Variants in PTK2 observed in about 807,000 individuals in gnomAD.
PTK2 encodes the protein protein tyrosine kinase 2.
A neutral mutation model predicts 150.1 loss-of-function variants in PTK2; 45 were observed. The observed-to-expected ratio is 0.30, with a 90% CI of 0.24 to 0.38. The LOEUF is 0.38. PTK2 is among the 10% of genes least tolerant of loss of function. PTK2 has a pLI of 1.00. For synonymous variants in PTK2, 432 were observed against 449.2 expected, an observed-to-expected ratio of 0.96 and a Z score of 0.48; for missense variants, 919 against 1,307.3, an observed-to-expected ratio of 0.70 and a Z score of 4.58.
intron 14 of PTK2, among the ~76,000 whole-genome samples, chr8:140,788,209 A>G (rs575050358): frequency 1.7e-3 from 261 of 152,338 alleles, no homozygotes; most frequent in Non-Finnish European, 3.0e-3. Context: ...GACCAGCTCT[A>G]GCATTCCAAC....
chr8:140,962,058 C>T (rs901008363), intron 1 of PTK2, among the ~76,000 whole-genome samples: 1 of 151,894 alleles, frequency 6.6e-6, no homozygotes, highest in African/African-American at 2.4e-5. Flanking sequence ...GCCTGGCCAA[C>T]ATGGCAAAAC....
chr8:140,755,363 G>A (rs924518669), intron 16 of PTK2, among the ~76,000 whole-genome samples: 3 of 152,106 alleles, frequency 2.0e-5, no homozygotes, highest in Non-Finnish European at 4.4e-5. Flanking sequence ...CATGTCCCCT[G>A]GTGGCTCTCC....
At chr8:140,755,045 G>C (rs1426950566) in intron 16 of PTK2, among the ~76,000 whole-genome samples, 2 of 152,166 alleles carry the variant, frequency 1.3e-5, no homozygotes, top group South Asian at 2.1e-4. Flanking sequence ...GCCTAGACAA[G>C]GGATGCAAGA....
intron 20 of PTK2, 91 bp from the exon 24 acceptor site, chr8:140,739,198 A>G (rs944846501): frequency 2.0e-5 from 16 of 810,460 alleles, no homozygotes; most frequent in Admixed American, 6.6e-5. Context: ...CAAAGGAAAA[A>G]GCTTTAACTA....
chr8:140,766,527 G>A (rs562915118), intron 14 of PTK2, among the ~76,000 whole-genome samples: 1 of 152,214 alleles, frequency 6.6e-6, no homozygotes, highest in Non-Finnish European at 1.5e-5. Context: ...TGAACTGTAT[G>A]CCCACCTCTC....
chr8:140,681,911 C>T lies in PTK2; in HGVS notation c.2562+4721G>A, dbSNP rs113147968. On this transcript the variant is annotated intron_variant, in intron 27 of 31. Transcript: ENST00000522684. Reference sequence around the variant, plus strand: ...TTGGTGTGGAAAAATCAGACACTGGCGATGACCTTAAGCAGTAGGATATAA... The same window carrying T: ...TTGGTGTGGAAAAATCAGACACTGGTGATGACCTTAAGCAGTAGGATATAA... Among the ~76,000 whole-genome samples, 364 of 152,252 alleles carry T rather than the reference C, an allele frequency of 2.4e-3. 8 individuals are homozygous for T. The highest frequency in any genetic ancestry group is 8.2e-3 in the African/African-American group (340 of 41,538).
chr8:140,856,535 A>G (rs988611047), intron 5 of PTK2, among the ~76,000 whole-genome samples: 1 of 152,216 alleles, frequency 6.6e-6, no homozygotes, highest in Non-Finnish European at 1.5e-5. Context: ...AATACGCACT[A>G]CATAATCTGT....
chr8:140,886,250 G>A (rs1335956179), intron 3 of PTK2, among the ~76,000 whole-genome samples: 1 of 152,184 alleles, frequency 6.6e-6, no homozygotes, highest in Non-Finnish European at 1.5e-5. Flanking sequence ...AGCAAGAAGT[G>A]TAAAGACAGA....
rs115438107 is a variant in PTK2, at chr8:140,761,961, T to C, written c.1235-699A>G. Among the ~76,000 whole-genome samples, 868 of 152,218 alleles carry C rather than the reference T, an allele frequency of 5.7e-3. 7 individuals carry two copies. The highest frequency in any genetic ancestry group is 0.02 in the African/African-American group (832 of 41,560). On this transcript the variant is annotated intron_variant, in intron 15 of 31. Transcript: ENST00000522684. Reference sequence around the variant, plus strand: ...ACAAAATCGATTATTCAGTAGGTTTTTGAGGCACATGGAAAGAAAATGCCC... The same window carrying C: ...ACAAAATCGATTATTCAGTAGGTTTCTGAGGCACATGGAAAGAAAATGCCC...
intron 8 of PTK2, among the ~76,000 whole-genome samples, chr8:140,828,445 A>G (rs1380120675): frequency 6.6e-6 from 1 of 152,102 alleles, no homozygotes; most frequent in Non-Finnish European, 1.5e-5. Context: ...TCCTTTAAAA[A>G]TCTAGAATGT....
intron 3 of PTK2, among the ~76,000 whole-genome samples, chr8:140,881,671 A>C (rs1344108000): frequency 6.6e-6 from 1 of 152,144 alleles, no homozygotes; most frequent in Admixed American, 6.5e-5. Flanking sequence ...AACACAAATC[A>C]TTTCTCATAA....
chr8:140,800,478 A>G, exon 12 of PTK2: 1 of 1,613,218 alleles, frequency 6.2e-7, no homozygotes, highest in South Asian at 1.1e-5. Flanking sequence ...GTCTGATGAT[A>G]AATGACTGCG....
At chr8:140,738,900 G>C (rs2100054082) in intron 21 of PTK2, 118 bp downstream of exon 24, 1 of 524,018 alleles carries the variant, frequency 1.9e-6, no homozygotes, top group South Asian at 5.0e-5. Context: ...GTCTGATGAG[G>C]AGATGATCAG....
chr8:140,711,410 G>A (rs1261104325), intron 23 of PTK2, among the ~76,000 whole-genome samples: 6 of 152,102 alleles, frequency 3.9e-5, no homozygotes, highest in Non-Finnish European at 7.4e-5. Context: ...CCCGGCCCCC[G>A]CAGGACTTTC....
chr8:140,929,254 C>G (rs555261028), intron 1 of PTK2, among the ~76,000 whole-genome samples: 1 of 152,010 alleles, frequency 6.6e-6, no homozygotes, highest in Non-Finnish European at 1.5e-5. Flanking sequence ...CGTGAGCCAC[C>G]GCGCCCGGCC....
chr8:140,861,097 T>C (rs1039538814), intron 5 of PTK2, among the ~76,000 whole-genome samples: 10 of 152,160 alleles, frequency 6.6e-5, no homozygotes, highest in Non-Finnish European at 1.3e-4. Flanking sequence ...TCCCAGCACT[T>C]TGGGAGGCCA....
At chr8:140,688,210 T>C (rs1260211492) in intron 26 of PTK2, among the ~76,000 whole-genome samples, 1 of 152,148 alleles carries the variant, frequency 6.6e-6, no homozygotes. Flanking sequence ...ACAACTTACT[T>C]ATCTGTTCAT....
chr8:140,777,296 T>C (rs1162114796), intron 14 of PTK2, among the ~76,000 whole-genome samples: 2 of 152,138 alleles, frequency 1.3e-5, no homozygotes, highest in African/African-American at 4.8e-5. Context: ...CTTACAATCA[T>C]GGCAGAAGGT....
At chr8:140,985,901 T>C (rs1047567688) in intron 1 of PTK2, among the ~76,000 whole-genome samples, 1 of 152,254 alleles carries the variant, frequency 6.6e-6, no homozygotes, top group African/African-American at 2.4e-5. Context: ...TCTAAGAATC[T>C]ACACTGTACC....
Sources: gnomAD v4.1 joint callset for allele counts (sites outside exome capture counted in the v4.1 genomes callset) on GRCh38, gnomAD v4.1.1 for gene constraint, MANE v1.5 for transcripts, NCBI Gene and HGNC (gene_info 2026-07-23, HGNC 2026-07-21) for gene names.